Variants in TACC2 observed in about 807,000 individuals in gnomAD.
TACC2 encodes transforming acidic coiled-coil containing protein 2.
A neutral mutation model predicts 227.3 loss-of-function variants in TACC2; 137 were observed. The observed-to-expected ratio is 0.60, with a 90% CI of 0.52 to 0.69. TACC2 has a LOEUF of 0.69. Ranked by LOEUF, TACC2 falls within the 30% of genes least tolerant of loss-of-function variation. The pLI, the probability that TACC2 is intolerant of heterozygous loss-of-function variation, is 0.00. For missense variants in TACC2, 3,470 were observed against 3,694.4 expected (o/e 0.94, Z 1.57); for synonymous variants, 1,523 against 1,487.5 (o/e 1.02, Z -0.55).
intron 8 of TACC2, among the ~76,000 whole-genome samples, chr10:122,196,951 A>C (rs28420634): frequency 6.8e-6 from 1 of 148,096 alleles, no homozygotes; most frequent in Non-Finnish European, 1.5e-5. Context: ...AAAAAAAAAA[A>C]CAAAAAAACA....
At chr10:122,246,178 C>T (rs1171743657) in intron 19 of TACC2, among the ~76,000 whole-genome samples, 1 of 152,194 alleles carries the variant, frequency 6.6e-6, no homozygotes, top group Non-Finnish European at 1.5e-5. Flanking sequence ...CACCCCAGAC[C>T]TCCTAATCTC....
At chr10:122,134,825 G>A (rs569021978) in intron 6 of TACC2, among the ~76,000 whole-genome samples, 10 of 152,350 alleles carry the variant, frequency 6.6e-5, no homozygotes, top group South Asian at 6.2e-4. Flanking sequence ...GCTGGACTTG[G>A]CGGGATGGCT....
chr10:122,136,745 T>C (rs2089743892), intron 6 of TACC2, among the ~76,000 whole-genome samples: 1 of 151,970 alleles, frequency 6.6e-6, no homozygotes, highest in South Asian at 2.1e-4. Context: ...GTATAGATGG[T>C]GTTTTGCCAT....
intron 1 of TACC2, among the ~76,000 whole-genome samples, chr10:121,999,339 G>A (rs1335643341): frequency 6.6e-6 from 1 of 152,162 alleles, no homozygotes; most frequent in Non-Finnish European, 1.5e-5. Context: ...GCACAGCTTT[G>A]TATTCACTTT....
intron 1 of TACC2, among the ~76,000 whole-genome samples, chr10:121,999,833 C>A (rs1354791299): frequency 6.6e-6 from 1 of 152,212 alleles, no homozygotes; most frequent in Non-Finnish European, 1.5e-5. Flanking sequence ...ATCGGTCACT[C>A]CTTCCAGAGC....
intron 5 of TACC2, among the ~76,000 whole-genome samples, chr10:122,125,776 C>CTTTTTT (rs67882679): frequency 0.013 from 1,500 of 117,090 alleles, 65 homozygotes; most frequent in South Asian, 0.029. Context: ...AATATCCTTC[C>CTTTTTT]TTTTTTTTTT....
At chr10:122,131,815 A>C (rs1280876850) in intron 5 of TACC2, among the ~76,000 whole-genome samples, 1 of 151,992 alleles carries the variant, frequency 6.6e-6, no homozygotes, top group Non-Finnish European at 1.5e-5. Context: ...TGAACCTAGG[A>C]GTTTGAGACC....
chr10:122,119,029 G>T (rs2085234303), intron 5 of TACC2, among the ~76,000 whole-genome samples: 1 of 152,086 alleles, frequency 6.6e-6, no homozygotes, highest in African/African-American at 2.4e-5. Flanking sequence ...ATTTTTAAGT[G>T]TACAGTTTGG....
rs144884518 is a variant in TACC2, at chr10:122,227,455, G to A, written c.7725-382G>A. Among the ~76,000 whole-genome samples the A allele has an allele frequency of 2.1e-3, 321 of 152,322 alleles. 1 individual carries two copies. Among genetic ancestry groups the A allele is most frequent in the Admixed American group, 5.7e-3 (87 of 15,310 alleles). ...AAAACAGTAGTGGCACCAGGTGACA[G>A]GTACCACATTAAGTGCTTTACAGGC... On this transcript the variant is annotated intron_variant, in intron 13 of 22. Coordinates refer to ENST00000369005, the MANE Select transcript of TACC2 (RefSeq NM_206862.4).
At chr10:122,006,203 C>T (rs1955108310) in intron 1 of TACC2, among the ~76,000 whole-genome samples, 1 of 151,910 alleles carries the variant, frequency 6.6e-6, no homozygotes, top group Non-Finnish European at 1.5e-5. Flanking sequence ...AATCCCAGCA[C>T]TTTGGGAGGC....
intron 2 of TACC2, chr10:122,023,479 G>A (rs923595435): frequency 2.0e-5 from 3 of 152,138 alleles, no homozygotes; most frequent in East Asian, 1.9e-4. Context: ...AAAAGGATGA[G>A]TTCACATCCT....
chr10:122,186,336 G>A (rs1316993726), intron 7 of TACC2, among the ~76,000 whole-genome samples: 5 of 151,926 alleles, frequency 3.3e-5, no homozygotes, highest in Admixed American at 2.0e-4. Flanking sequence ...CAGGAGGGTC[G>A]TTTGAGACCA....
At chr10:122,243,773 C>G (rs1047053850) in intron 19 of TACC2, among the ~76,000 whole-genome samples, 2 of 152,162 alleles carry the variant, frequency 1.3e-5, no homozygotes, top group African/African-American at 4.8e-5. Context: ...CATAGTTCAT[C>G]TGGAAACATC....
intron 1 of TACC2, among the ~76,000 whole-genome samples, chr10:121,999,711 C>T (rs1217831692): frequency 6.6e-6 from 1 of 152,142 alleles, no homozygotes; most frequent in Non-Finnish European, 1.5e-5. Context: ...ATGTCTTGGT[C>T]CAACAGGTGT....
intron 7 of TACC2, among the ~76,000 whole-genome samples, chr10:122,193,480 C>T: frequency 6.6e-6 from 1 of 152,124 alleles, no homozygotes; most frequent in Non-Finnish European, 1.5e-5. Context: ...GGAAGCTCAG[C>T]AACGTGAGCA....
intron 1 of TACC2, among the ~76,000 whole-genome samples, chr10:122,004,796 CT>C (rs1386397261): frequency 6.6e-6 from 1 of 152,196 alleles, no homozygotes; most frequent in East Asian, 1.9e-4. Flanking sequence ...GCAATCCCCC[CT>C]CTTGATAAAT....
At chr10:122,082,455 G>A (rs1362330976) in intron 3 of TACC2, among the ~76,000 whole-genome samples, 192 bp from the exon 4 acceptor site, 1 of 152,008 alleles carries the variant, frequency 6.6e-6, no homozygotes, top group Non-Finnish European at 1.5e-5. Context: ...TGGGGGAAAC[G>A]AGGGCATGCA....
chr10:122,140,311 G>A lies in TACC2; in HGVS notation c.5700-3261G>A, dbSNP rs571065112. The stretch of plus-strand genomic sequence containing the variant: ...TAAGTCATGGCTGTCTGCTGAAAGC[G>A]TGGTGGTTTATATGCTGTCAGCTCT... On this transcript the variant is annotated intron_variant, in intron 6 of 22. Transcript: ENST00000369005. Among the ~76,000 whole-genome samples the A allele has an allele frequency of 3.3e-5, 5 of 152,350 alleles. No homozygotes were observed. In the South Asian group the frequency reaches 6.2e-4, roughly 19 times the overall value.
intron 7 of TACC2, among the ~76,000 whole-genome samples, chr10:122,153,598 T>G (rs1254363241): frequency 6.6e-6 from 1 of 152,192 alleles, no homozygotes; most frequent in Non-Finnish European, 1.5e-5. Flanking sequence ...CCAAAGTGAT[T>G]TCTTGTTTTT....
Sources: gnomAD v4.1 joint callset for allele counts (sites outside exome capture counted in the v4.1 genomes callset) on GRCh38, gnomAD v4.1.1 for gene constraint, MANE v1.5 for transcripts, NCBI Gene and HGNC (gene_info 2026-07-23, HGNC 2026-07-21) for gene names.